ABCA12: variants seen among roughly 807,000 people sequenced by gnomAD.
ABCA12 encodes glucosylceramide transporter ABCA12.
A neutral mutation model predicts 293.5 loss-of-function variants in ABCA12; 156 were observed. The ratio of observed to expected loss-of-function variants is 0.53; its 90% CI spans 0.47 to 0.61. The LOEUF (loss-of-function observed/expected upper bound fraction) is 0.61, where lower values mean the gene tolerates loss of function less well. Among genes scored for constraint, ABCA12 ranks in the 20% least tolerant of loss-of-function variants. The pLI is 0.00. For synonymous variants in ABCA12, 1,063 were observed against 1,108.0 expected (o/e 0.96, Z 0.81); for missense variants, 2,797 against 3,090.2 (o/e 0.91, Z 2.25).
intron 39 of ABCA12, among the ~76,000 whole-genome samples, chr2:214,965,406 T>C (rs1291054106): frequency 6.6e-6 from 1 of 152,130 alleles, no homozygotes; most frequent in Non-Finnish European, 1.5e-5. Context: ...ACTAAAGAGC[T>C]TCTGCATAGA....
At chr2:214,993,676 T>G (rs1298800793) in intron 23 of ABCA12, among the ~76,000 whole-genome samples, 1 of 152,198 alleles carries the variant, frequency 6.6e-6, no homozygotes, top group African/African-American at 2.4e-5. Context: ...CCAGTGGTAA[T>G]GTATGTAAGT....
At chr2:214,985,539 C>T (rs995619096) in intron 28 of ABCA12, among the ~76,000 whole-genome samples, 1 of 152,040 alleles carries the variant, frequency 6.6e-6, no homozygotes, top group African/African-American at 2.4e-5. Context: ...TGCACTTGTG[C>T]CCCTGAACTT....
intron 7 of ABCA12, among the ~76,000 whole-genome samples, chr2:215,038,535 G>C (rs1701035019): frequency 6.6e-6 from 1 of 152,168 alleles, no homozygotes; most frequent in African/African-American, 2.4e-5. Context: ...AGGCATGGCT[G>C]TATTTTTCTC....
intron 42 of ABCA12, among the ~76,000 whole-genome samples, chr2:214,955,569 G>C (rs572085893): frequency 1.3e-5 from 2 of 152,122 alleles, no homozygotes; most frequent in Non-Finnish European, 2.9e-5. Flanking sequence ...TGTAGCCCTG[G>C]TTATTTGGGA....
chr2:215,011,622 T>G lies in ABCA12; in HGVS notation c.2149A>C (p.Thr717Pro). 1 of 1,614,084 alleles carries G rather than the reference T, an allele frequency of 6.2e-7. No homozygotes were observed. The highest frequency in any genetic ancestry group is 8.5e-7 in the Non-Finnish European group (1 of 1,179,936). Residue 717 changes from threonine to proline, a missense_variant, in exon 17 of 53, where the codon ACA becomes CCA. This residue lies in a region of ABCA12 where 2,130 missense variants were observed against 2,427.0 expected (regional missense o/e 0.88). Transcript: ENST00000272895. ...QAMYRSNRMN[T>P]PQGSFSTISQ... ...ATGGTGCTAAATGATCCTTGTGGTG[T>G]GTTCATTCGGTTGCTTCTGTACATT...
At position 215,138,257 on chromosome 2, in the gene ABCA12, C is replaced by T. The variant is rs1703274530; in HGVS notation, c.-49G>A. The T allele has an allele frequency of 3.8e-6, 6 of 1,593,292 alleles. No individual in the cohort carries two copies. Among genetic ancestry groups the T allele is most frequent in the Non-Finnish European group, 5.2e-6 (6 of 1,161,144 alleles). ...ATTTCCTCTTCTTTTCTCCACTCCA[C>T]AAATGAAGAACTGATGCCCCGTCCA... is the stretch of plus-strand genomic sequence containing the variant. On this transcript the variant is annotated 5_prime_UTR_variant, in exon 1 of 53. The change creates a new upstream start codon in the 5' untranslated region. Transcript: ENST00000272895.
intron 23 of ABCA12, among the ~76,000 whole-genome samples, chr2:214,991,441 A>G (rs1699909938): frequency 1.3e-5 from 2 of 152,162 alleles, no homozygotes; most frequent in African/African-American, 2.4e-5. Flanking sequence ...TGGCTTAACT[A>G]TTAGTTCAGT....
chr2:215,042,209 T>C (rs1701114252), intron 7 of ABCA12: 1 of 152,182 alleles, frequency 6.6e-6, no homozygotes. Flanking sequence ...TGTCATTTGC[T>C]TCATAATAAT....
chr2:215,083,136 A>T (rs1327104662), intron 2 of ABCA12, among the ~76,000 whole-genome samples: 1 of 152,246 alleles, frequency 6.6e-6, no homozygotes, highest in Non-Finnish European at 1.5e-5. Context: ...TCCATACAGC[A>T]GTGGTTCTCT....
intron 1 of ABCA12, among the ~76,000 whole-genome samples, chr2:215,127,240 T>C (rs189867528): frequency 1.3e-5 from 2 of 152,208 alleles, no homozygotes; most frequent in Non-Finnish European, 2.9e-5. Context: ...GATAGTTCCA[T>C]GCACTGTTGA....
chr2:215,064,565 A>G (rs938073705), intron 2 of ABCA12, among the ~76,000 whole-genome samples: 3 of 152,082 alleles, frequency 2.0e-5, no homozygotes, highest in African/African-American at 4.8e-5. Context: ...GTGTATCCAC[A>G]TGATAAAACA....
At chr2:214,959,638 G>T (rs966847941) in intron 39 of ABCA12, among the ~76,000 whole-genome samples, 3 of 152,062 alleles carry the variant, frequency 2.0e-5, no homozygotes, top group African/African-American at 4.8e-5. Flanking sequence ...GTAGGGCTTG[G>T]GAACTTCAGC....
At chr2:215,111,713 A>C (rs1702574483) in intron 1 of ABCA12, 23 bp from the exon 2 acceptor site, 1 of 1,583,164 alleles carries the variant, frequency 6.3e-7, no homozygotes, top group East Asian at 2.2e-5. Context: ...GGTAGAAAAA[A>C]TTGTTAGTTT....
intron 1 of ABCA12, among the ~76,000 whole-genome samples, chr2:215,123,982 A>T (rs1283547498): frequency 6.6e-6 from 1 of 152,168 alleles, no homozygotes. Context: ...TTGTGTCCTC[A>T]GAACTTAGCT....
intron 36 of ABCA12, 64 bp from the exon 37 acceptor site, chr2:214,970,464 G>A: frequency 6.4e-7 from 1 of 1,571,470 alleles, no homozygotes; most frequent in Non-Finnish European, 8.8e-7. Context: ...AATAGACAAT[G>A]TCAAGGAGCT....
rs1428937761 is a variant in ABCA12 at position 215,000,878 on chromosome 2, A to C, written c.3006T>G (p.Ile1002Met). Residue 1002 changes from isoleucine to methionine, a missense_variant, in exon 22 of 53, where the codon ATT becomes ATG. Transcript: ENST00000272895. The stretch of plus-strand genomic sequence containing the variant: ...GAGAATTGTGTGGCCCTGGAGCCCA[A>C]ATCTTGGTTCTTAGGCTTCTTGTGG... ...AQTTRSLRTK[I>M]WAPGPHNSPS... 1 of 1,613,992 alleles carries C rather than the reference A, an allele frequency of 6.2e-7. No individual in the cohort carries two copies. Among genetic ancestry groups the C allele is most frequent in the African/African-American group, 1.3e-5 (1 of 74,898 alleles).
Position 215,045,903 on chromosome 2 carries a change from A to G in ABCA12, c.806T>C (p.Phe269Ser). Residue 269 changes from phenylalanine (F) to serine (S), a missense_variant, in exon 7 of 53, where the codon TTT becomes TCT. Physicochemically the swap from Phe to Ser is radical, Grantham distance 155 (BLOSUM62 -2). Transcript: ENST00000272895. ...QKAVWQLLSS[F>S]PNVFQNDTSL... ...TGTGTCATTCTGAAACACATTTGGA[A>G]AACTAGACAGAAGCTGCCACACAGC... is the stretch of plus-strand genomic sequence containing the variant. 1 of 1,613,748 alleles carries G rather than the reference A, an allele frequency of 6.2e-7. No individual in the cohort carries two copies. The highest frequency in any genetic ancestry group is 1.7e-5 in the Admixed American group (1 of 59,978).
At position 214,973,876 on chromosome 2, in the gene ABCA12, A is replaced by G. The variant is rs974391657; in HGVS notation, c.5562+73T>C. 5.5e-6 allele frequency: 7 copies of G among 1,272,722 alleles called. No homozygotes were observed. The African/African-American group carries it at 1.0e-4, about 19-fold the overall frequency. 78.8% of individuals were successfully genotyped at this position (1,272,722 alleles called of 1,614,324 possible). A position where few individuals can be genotyped will look rare whatever the true frequency, so the allele number is the denominator to read the frequency against. ...ACTTATACTGATTCTTTGGTAACCT[A>G]GAGAGATCTTTCGAGCTTTCGATAT... On this transcript the variant is annotated intron_variant, in intron 36 of 52. Coordinates refer to ENST00000272895, the MANE Select transcript of ABCA12 (RefSeq NM_173076.3).
chr2:214,974,046 C>A lies in ABCA12; in HGVS notation c.5469-4G>T, dbSNP rs1699451602. On this transcript the variant is annotated splice_polypyrimidine_tract_variant and splice_region_variant and intron_variant, in intron 35 of 52. Transcript: ENST00000272895. ...ACTGTCTTTGTTTAAACACTGTCTG[C>A]AAGTTAAAATGATATTGCTGTGAGG... is the stretch of plus-strand genomic sequence containing the variant. 3 of 1,612,526 alleles carry A rather than the reference C, an allele frequency of 1.9e-6. No homozygotes were observed. The highest frequency in any genetic ancestry group is 1.7e-6 in the Non-Finnish European group (2 of 1,178,796).
Sources: gnomAD v4.1 joint callset for allele counts (sites outside exome capture counted in the v4.1 genomes callset) on GRCh38, gnomAD v4.1.1 for gene constraint, gnomAD v4.1.1 regional missense constraint, MANE v1.5 for transcripts, NCBI Gene and HGNC (gene_info 2026-07-23, HGNC 2026-07-21) for gene names.